The following DMD variants were observed in gnomAD, a reference collection of about 807,000 sequenced individuals.
DMD encodes the protein mutant dystrophin.
In DMD, 63 loss-of-function variants were observed where a neutral mutation model predicts 330.1. The ratio of observed to expected loss-of-function variants is 0.19; its 90% CI spans 0.16 to 0.24. DMD has a LOEUF of 0.24. Among genes scored for constraint, DMD ranks in the 10% least tolerant of loss-of-function variants. The pLI is 1.00. For missense variants in DMD, 3,344 were observed against 2,684.1 expected (o/e 1.25, Z -5.43); for synonymous variants, 1,223 against 959.8 (o/e 1.27, Z -5.07).
At chrX:32,048,302 G>GTT (rs373753995) in intron 44 of DMD, among the ~76,000 whole-genome samples, 3 of 97,475 alleles carry the variant, frequency 3.1e-5, no homozygotes, top group Non-Finnish European at 6.2e-5. Context: ...TTTGAACTGT[G>GTT]TTTTTTTTTT....
At chrX:31,378,363 C>A (rs1257145529) in intron 60 of DMD, among the ~76,000 whole-genome samples, 1 of 110,732 alleles carries the variant, frequency 9.0e-6, no homozygotes, top group African/African-American at 3.3e-5. Flanking sequence ...TCTCACTATC[C>A]CTCAACCTCT....
chrX:32,485,330 C>A (rs996092687), intron 20 of DMD, among the ~76,000 whole-genome samples: 4 of 110,806 alleles, frequency 3.6e-5, no homozygotes, highest in Non-Finnish European at 7.6e-5. Context: ...ATTTAAATTT[C>A]AAGATGACAT....
In DMD at chrX:33,005,621, T is replaced by C. The variant is rs190339200; in HGVS notation, c.93+14518A>G. On this transcript the variant is annotated intron_variant, in intron 2 of 78. Coordinates refer to ENST00000357033, the MANE Select transcript of DMD (RefSeq NM_004006.3). ...TTTATAAAACAAGGTCATGACAATATAAAAAAATGAACAAAAACACCTATA... is the reference window on the plus strand; with the variant it reads ...TTTATAAAACAAGGTCATGACAATACAAAAAAATGAACAAAAACACCTATA... Among the ~76,000 whole-genome samples the C allele has an allele frequency of 8.4e-5, 9 of 107,489 alleles. No homozygotes were observed. The East Asian group carries it at 2.7e-3, about 32-fold the overall frequency. 93.3% of individuals were successfully genotyped at this position (107,489 alleles called of 115,157 possible).
intron 5 of DMD, 60 bp from the exon 6 acceptor site, chrX:32,816,700 C>T (rs2077791902): frequency 9.2e-7 from 1 of 1,092,705 alleles, no homozygotes; most frequent in Middle Eastern, 2.9e-4. Context: ...ACCATGCAAA[C>T]TTAAATATGA....
intron 64 of DMD, among the ~76,000 whole-genome samples, chrX:31,221,222 C>T (rs1314494885): frequency 6.4e-5 from 7 of 109,930 alleles, no homozygotes; most frequent in African/African-American, 2.3e-4. Context: ...TCTTTCTAAG[C>T]GACAATCTGA....
intron 55 of DMD, among the ~76,000 whole-genome samples, chrX:31,587,915 G>T (rs2148095878): frequency 9.0e-6 from 1 of 111,586 alleles, no homozygotes; most frequent in South Asian, 3.8e-4. Context: ...CCCTAAACAG[G>T]ACACGTCCTA....
intron 44 of DMD, among the ~76,000 whole-genome samples, chrX:32,086,934 C>T (rs2096443632): frequency 9.0e-6 from 1 of 111,616 alleles, no homozygotes; most frequent in South Asian, 3.8e-4. Flanking sequence ...ATATTATTGA[C>T]TAAAAAACCT....
chrX:32,570,593 A>G (rs2052304998), intron 15 of DMD, among the ~76,000 whole-genome samples: 1 of 111,793 alleles, frequency 8.9e-6, no homozygotes, highest in Non-Finnish European at 1.9e-5. Flanking sequence ...GAATCAACTG[A>G]TATGAGGACT....
intron 7 of DMD, among the ~76,000 whole-genome samples, chrX:32,773,134 C>G (rs1322712928): frequency 8.9e-6 from 1 of 112,122 alleles, no homozygotes; most frequent in Non-Finnish European, 1.9e-5. Context: ...GTGATCAACA[C>G]CTTTGACTGG....
At chrX:33,119,764 A>G in intron 1 of DMD, among the ~76,000 whole-genome samples, 1 of 112,306 alleles carries the variant, frequency 8.9e-6, no homozygotes, top group East Asian at 2.8e-4. Flanking sequence ...TGAGTAGAAA[A>G]GGACAAAAGC....
intron 20 of DMD, among the ~76,000 whole-genome samples, chrX:32,485,546 T>G (rs183723035): frequency 1.8e-5 from 2 of 109,357 alleles, no homozygotes; most frequent in African/African-American, 6.6e-5. Flanking sequence ...TATACCTACA[T>G]ATATGTATAT....
chrX:33,120,878 C>CA lies in DMD; in HGVS notation c.31+90403dup, dbSNP rs1171070469. Among the ~76,000 whole-genome samples, 209 of 36,690 alleles carry CA rather than the reference C, an allele frequency of 5.7e-3. 21 individuals carry two copies. The highest frequency in any genetic ancestry group is 0.017 in the African/African-American group (131 of 7,857). 31.9% of individuals were successfully genotyped at this position (36,690 alleles called of 115,157 possible). A position where few individuals can be genotyped will look rare whatever the true frequency, so the allele number is the denominator to read the frequency against. ...CCTGGGTGACAGAGCATGACTCTCT[C>CA]AAAAAAAAAAAAAAAAAAAAAAAAA... On this transcript the variant is annotated intron_variant, in intron 1 of 78. Transcript: ENST00000357033.
At chrX:31,845,059 T>C (rs60429883) in intron 48 of DMD, among the ~76,000 whole-genome samples, 7 of 87,557 alleles carry the variant, frequency 8.0e-5, no homozygotes, top group Admixed American at 1.1e-4. Context: ...TATGTGTGTA[T>C]ATATATGTAT....
chrX:33,056,954 T>A (rs1045270693), intron 1 of DMD, among the ~76,000 whole-genome samples: 2 of 111,496 alleles, frequency 1.8e-5, no homozygotes, highest in South Asian at 3.7e-4. Flanking sequence ...TTCTCTGTTA[T>A]GAAAAAGCAA....
chrX:33,090,691 T>TTA (rs1475429371), intron 1 of DMD, among the ~76,000 whole-genome samples: 2 of 110,649 alleles, frequency 1.8e-5, no homozygotes, highest in Non-Finnish European at 3.8e-5. Context: ...ATATGTCATA[T>TTA]TATATATATC....
rs1765712625 is a variant in DMD, at chrX:32,949,851, T to A, written c.93+70288A>T. On this transcript the variant is annotated intron_variant, in intron 2 of 78. Coordinates refer to ENST00000357033, the MANE Select transcript of DMD (RefSeq NM_004006.3). ...CAAAAACTCATCCTTTCTGAATATG[T>A]CCCTGAAAGAAAAGCTCAGCACTGT... Among the ~76,000 whole-genome samples the A allele has an allele frequency of 2.8e-5, 3 of 105,277 alleles. No homozygotes were observed. In the Admixed American group the frequency reaches 3.1e-4, roughly 11 times the overall value. The allele number at this position is 105,277 out of a possible 115,157, so 91.4% of individuals were successfully genotyped here. A position where few individuals can be genotyped will look rare whatever the true frequency, so the allele number is the denominator to read the frequency against.
chrX:33,094,807 C>CAA (rs199716276), intron 1 of DMD, among the ~76,000 whole-genome samples: 20 of 59,998 alleles, frequency 3.3e-4, no homozygotes, highest in East Asian at 2.4e-3. Flanking sequence ...GACTCCATCT[C>CAA]AAAAAAAAAA....
intron 42 of DMD, among the ~76,000 whole-genome samples, chrX:32,292,034 T>G (rs965373498): frequency 9.0e-6 from 1 of 110,919 alleles, no homozygotes; most frequent in Non-Finnish European, 1.9e-5. Context: ...ACCTAGATCA[T>G]TGGTTTATAG....
At chrX:32,335,426 A>G (rs2097700934) in intron 41 of DMD, among the ~76,000 whole-genome samples, 1 of 104,941 alleles carries the variant, frequency 9.5e-6, no homozygotes. Flanking sequence ...ACTTGTATAT[A>G]TATGTTATAT....
Sources: allele counts gnomAD v4.1 joint callset (sites outside exome capture counted in the v4.1 genomes callset), GRCh38; gene constraint gnomAD v4.1.1; transcripts MANE v1.5; gene names NCBI Gene and HGNC (gene_info 2026-07-23, HGNC 2026-07-21).